Variants in PIK3R4 observed in about 807,000 individuals in gnomAD.
The protein encoded by PIK3R4 is phosphoinositide 3-kinase regulatory subunit 4.
In PIK3R4, 46 loss-of-function variants were observed where a neutral mutation model predicts 136.5. The ratio of observed to expected loss-of-function variants is 0.34; its 90% CI spans 0.27 to 0.43. The LOEUF is 0.43. Ranked by LOEUF, PIK3R4 falls within the 20% of genes least tolerant of loss-of-function variation. The pLI is 1.00. For synonymous variants in PIK3R4, 557 were observed against 566.7 expected (o/e 0.98, Z 0.24); for missense variants, 1,331 against 1,649.5 (o/e 0.81, Z 3.35).
intron 14 of PIK3R4, among the ~76,000 whole-genome samples, chr3:130,688,326 TACA>T (rs1164867800): frequency 2.6e-5 from 4 of 152,334 alleles, no homozygotes; most frequent in South Asian, 2.1e-4. Context: ...CCAACTAGAA[TACA>T]ACGTTTGAGT....
Position 130,680,756 on chromosome 3 carries a change from C to T in PIK3R4, c.3798-35G>A, listed in dbSNP as rs149886769. 475 of 1,303,734 alleles carry T rather than the reference C, an allele frequency of 3.6e-4. 1 individual carries two copies. The highest frequency in any genetic ancestry group is 4.8e-4 in the Non-Finnish European group (438 of 907,192). 80.8% of individuals were successfully genotyped at this position (1,303,734 alleles called of 1,614,324 possible). On this transcript the variant is annotated intron_variant, in intron 18 of 19. Coordinates refer to ENST00000356763, the MANE Select transcript of PIK3R4 (RefSeq NM_014602.3). ...AGGAAATAAATGATGACAATCTCTTCAGGACAATGGGAGGAACTAATAATC... is the reference window on the plus strand; with the variant it reads ...AGGAAATAAATGATGACAATCTCTTTAGGACAATGGGAGGAACTAATAATC...
intron 13 of PIK3R4, among the ~76,000 whole-genome samples, chr3:130,698,207 C>T (rs1243331584): frequency 1.3e-5 from 2 of 152,136 alleles, no homozygotes; most frequent in African/African-American, 4.8e-5. Context: ...ATTTAGAATT[C>T]ATTGAATTCT....
rs534861535 is a variant in PIK3R4, at chr3:130,713,613, T to G, written c.2331+2783A>C. On this transcript the variant is annotated intron_variant, in intron 9 of 19. Transcript: ENST00000356763. ...AAGGTAAAAAGAAGAGATGAGGGGC[T>G]AGGGTGGCCCCATGAGGTAACTAAT... Among the ~76,000 whole-genome samples, 131 of 152,290 alleles carry G rather than the reference T, an allele frequency of 8.6e-4. 1 individual carries two copies. The highest frequency in any genetic ancestry group is 1.3e-3 in the Non-Finnish European group (91 of 68,010).
In PIK3R4 at chr3:130,703,828, C is replaced by A. The variant is rs377513454; in HGVS notation, c.2993G>T (p.Arg998Leu). ...HLHEHKSAVN[R>L]IRVSDEHSLF... ...TGAGTGTTCATCAGAGACTCTAATT[C>A]GATTCACAGCAGATTTATGCTCATG... The change falls in exon 13 of 20, where the codon CGA (arginine) becomes CTA (leucine). Residue 998 changes from arginine (R) to leucine (L), a missense_variant. Physicochemically the swap from Arg to Leu is moderately radical, Grantham distance 102. Transcript: ENST00000356763. 1.9e-6 allele frequency: 3 copies of A among 1,612,270 alleles called. No homozygotes were observed. Among genetic ancestry groups the A allele is most frequent in the Admixed American group, 1.7e-5 (1 of 59,994 alleles).
chr3:130,690,778 C>T lies in PIK3R4; in HGVS notation c.3099-124G>A, dbSNP rs2066512889. 5 of 571,952 alleles carry T rather than the reference C, an allele frequency of 8.7e-6. 1 individual carries two copies. In the Admixed American group the frequency reaches 1.0e-4, roughly 12 times the overall value. 35.4% of individuals were successfully genotyped at this position (571,952 alleles called of 1,614,324 possible). ...CCATTTAATCTCCCTGATCTCAGGA[C>T]AAAAACAAGAATTTCCTCTCAAAAG... is the stretch of plus-strand genomic sequence containing the variant. On this transcript the variant is annotated intron_variant, in intron 13 of 19. Transcript: ENST00000356763.
intron 12 of PIK3R4, among the ~76,000 whole-genome samples, chr3:130,705,129 C>CCTGTTTTCTTTTTAAAAAAAGTACTCA (rs2066599407): frequency 6.6e-6 from 1 of 152,110 alleles, no homozygotes; most frequent in Non-Finnish European, 1.5e-5. Flanking sequence ...CCACAACCAG[C>CCTGTTTTCTTTTTAAAAAAAGTACTCA]CTGTTTTCTT....
intron 19 of PIK3R4, among the ~76,000 whole-genome samples, chr3:130,679,690 G>A (rs2066443304): frequency 1.3e-5 from 2 of 152,150 alleles, no homozygotes; most frequent in Non-Finnish European, 2.9e-5. Flanking sequence ...TTCATGAGTA[G>A]CCACTTATAA....
intron 4 of PIK3R4, among the ~76,000 whole-genome samples, 185 bp from the exon 5 acceptor site, chr3:130,730,627 A>G (rs1303843707): frequency 1.1e-4 from 16 of 151,942 alleles, no homozygotes; most frequent in Non-Finnish European, 7.4e-5. Context: ...ACTGTCTCCA[A>G]ACCACTAGTC....
rs2066772869 is a variant in PIK3R4, at chr3:130,733,977, C to T, written c.1021G>A (p.Glu341Lys). The T allele has an allele frequency of 2.4e-5, 38 of 1,614,138 alleles. No individual in the cohort carries two copies. The highest frequency in any genetic ancestry group is 3.1e-5 in the Non-Finnish European group (37 of 1,180,004). The change falls in exon 4 of 20, where the codon GAG becomes AAG. Residue 341 changes from glutamate to lysine, a missense_variant. Glu to Lys is a moderately conservative substitution (Grantham distance 56). This residue lies in a region of PIK3R4 where 1,180 missense variants were observed against 1,407.0 expected (regional missense o/e 0.84). Transcript: ENST00000356763. The stretch of plus-strand genomic sequence containing the variant: ...TCCTTCCGTATAACCAGAATACGCT[C>T]ATCTGCAGAAAGAAACGTTTCCTTG... ...FAKETFLSAD[E>K]RILVIRKDLG...
rs149712314 is a variant in PIK3R4, at chr3:130,691,361, T to C, written c.3099-707A>G. On this transcript the variant is annotated intron_variant, in intron 13 of 19. Transcript: ENST00000356763. Reference sequence around the variant, plus strand: ...ATCTACAAAACAAGTACTGACCTATTTCCCTAACCGGACCATAGGGAAAAT... The same window carrying C: ...ATCTACAAAACAAGTACTGACCTATCTCCCTAACCGGACCATAGGGAAAAT... 7.2e-5 allele frequency among the ~76,000 whole-genome samples: 11 copies of C among 152,318 alleles called. No individual in the cohort carries two copies. The East Asian group carries it at 2.1e-3, about 29-fold the overall frequency.
rs775921295 is a variant in PIK3R4 at position 130,733,880 on chromosome 3, T to A, written c.1118A>T (p.Asn373Ile). The change falls in exon 4 of 20, where the codon AAT (asparagine) becomes ATT (isoleucine). Residue 373 changes from asparagine (N) to isoleucine (I), a missense_variant. By Grantham distance (149) the Asn-to-Ile change is moderately radical. Transcript: ENST00000356763. ...PEKAEGEPKE[N>I]GLVILVSVIT... ...AACAGATACCAAGATAACCAGCCCA[T>A]TTTCCTTAGGCTCTCCTTCGGCTTT... The A allele has an allele frequency of 3.3e-5, 53 of 1,614,014 alleles. No homozygotes were observed. The highest frequency in any genetic ancestry group is 4.4e-5 in the Non-Finnish European group (52 of 1,179,996).
intron 13 of PIK3R4, among the ~76,000 whole-genome samples, chr3:130,690,961 T>G (rs2107602105): frequency 6.7e-6 from 1 of 148,388 alleles, no homozygotes; most frequent in East Asian, 2.0e-4. Flanking sequence ...TAGTGGCCAG[T>G]GGTGCGATCA....
At chr3:130,691,301 A>G (rs2066517188) in intron 13 of PIK3R4, among the ~76,000 whole-genome samples, 1 of 152,226 alleles carries the variant, frequency 6.6e-6, no homozygotes, top group Non-Finnish European at 1.5e-5. Flanking sequence ...GATGTTGGTC[A>G]AGCTACTTAA....
At position 130,734,146 on chromosome 3, in the gene PIK3R4, A is replaced by C; in HGVS notation, c.868-16T>G. The C allele has an allele frequency of 6.4e-7, 1 of 1,557,892 alleles. No individual in the cohort carries two copies. The highest frequency in any genetic ancestry group is 8.7e-7 in the Non-Finnish European group (1 of 1,148,330). On this transcript the variant is annotated splice_polypyrimidine_tract_variant and intron_variant, in intron 3 of 19. Transcript: ENST00000356763. ...TCTGAGTTACCTATACCAAGGGAAGAAAAGGAATTAAAATAGATTTGAGAA... is the reference window on the plus strand; with the variant it reads ...TCTGAGTTACCTATACCAAGGGAAGCAAAGGAATTAAAATAGATTTGAGAA...
intron 2 of PIK3R4, among the ~76,000 whole-genome samples, chr3:130,742,923 T>C (rs921913511): frequency 1.3e-5 from 2 of 152,186 alleles, no homozygotes; most frequent in Non-Finnish European, 2.9e-5. Context: ...GTATGTGAAA[T>C]AATATATAGG....
chr3:130,733,511 T>C (rs754294954), intron 4 of PIK3R4, 37 bp downstream of exon 4: 2 of 1,383,474 alleles, frequency 1.4e-6, no homozygotes, highest in African/African-American at 2.9e-5. Context: ...ACTTAAAAAA[T>C]ATCTAAGTGG....
At chr3:130,702,186 G>C (rs2066578294) in intron 13 of PIK3R4, among the ~76,000 whole-genome samples, 1 of 151,758 alleles carries the variant, frequency 6.6e-6, no homozygotes, top group African/African-American at 2.4e-5. Context: ...ATTGATGGGA[G>C]GCAGAAAAAT....
chr3:130,680,534 C>A, intron 19 of PIK3R4, 79 bp downstream of exon 19: 3 of 683,092 alleles, frequency 4.4e-6, no homozygotes, highest in South Asian at 2.2e-5. Context: ...TTGGTCAAGC[C>A]ATTTATTTTA....
chr3:130,737,692 T>C (rs1406801048), intron 2 of PIK3R4, among the ~76,000 whole-genome samples: 4 of 152,064 alleles, frequency 2.6e-5, no homozygotes, highest in Non-Finnish European at 5.9e-5. Flanking sequence ...AAGAAATGGA[T>C]TTAATACATC....
Sources: gnomAD v4.1 joint callset for allele counts (sites outside exome capture counted in the v4.1 genomes callset) on GRCh38, gnomAD v4.1.1 for gene constraint, gnomAD v4.1.1 regional missense constraint, MANE v1.5 for transcripts, NCBI Gene and HGNC (gene_info 2026-07-23, HGNC 2026-07-21) for gene names.